The following FOXJ3 variants were observed in gnomAD, a reference collection of about 807,000 sequenced individuals.
The protein encoded by FOXJ3 is forkhead box J3.
Under a neutral mutation model 76.1 loss-of-function variants are expected in FOXJ3, and 22 were observed. That is an observed-to-expected ratio of 0.29 (90% CI 0.21 to 0.41). The LOEUF (loss-of-function observed/expected upper bound fraction) is 0.41. FOXJ3 is among the 10% of genes least tolerant of loss of function. The pLI, the probability that FOXJ3 is intolerant of heterozygous loss-of-function variation, is 1.00. For synonymous variants in FOXJ3, 269 were observed against 261.2 expected (o/e 1.03, Z -0.29); for missense variants, 613 against 762.1 (o/e 0.80, Z 2.30).
chr1:42,181,879 AC>A, intron 12 of FOXJ3, 37 bp downstream of exon 12: 2 of 1,356,240 alleles, frequency 1.5e-6, no homozygotes, highest in Non-Finnish European at 2.1e-6. Context: ...ACACACACAC[AC>A]ACACACACAC....
chr1:42,231,900 A>T (rs555659017), intron 4 of FOXJ3, among the ~76,000 whole-genome samples: 1 of 151,960 alleles, frequency 6.6e-6, no homozygotes, highest in Non-Finnish European at 1.5e-5. Context: ...TGCACCCATT[A>T]ACTCGTCATT....
intron 5 of FOXJ3, 57 bp from the exon 6 acceptor site, chr1:42,205,920 A>C (rs1453454263): frequency 9.8e-7 from 1 of 1,022,336 alleles, no homozygotes; most frequent in Non-Finnish European, 1.5e-6. Flanking sequence ...CAACTTTAAC[A>C]CAGTTTGAAG....
At chr1:42,229,611 G>A (rs12070329) in intron 4 of FOXJ3, among the ~76,000 whole-genome samples, 3,565 of 152,078 alleles carry the variant, frequency 0.023, 144 homozygotes, top group African/African-American at 0.082. Context: ...TTTTCAAAAC[G>A]GTCACTACAT....
At chr1:42,196,313 T>C (rs1367072588) in intron 7 of FOXJ3, among the ~76,000 whole-genome samples, 1 of 152,150 alleles carries the variant, frequency 6.6e-6, no homozygotes, top group African/African-American at 2.4e-5. Flanking sequence ...AGGATCAAAC[T>C]ATATAGATGT....
At chr1:42,199,800 T>C (rs1164195190) in intron 6 of FOXJ3, among the ~76,000 whole-genome samples, 1 of 151,820 alleles carries the variant, frequency 6.6e-6, no homozygotes, top group African/African-American at 2.4e-5. Flanking sequence ...TGTTAATGGT[T>C]ATCTAGAAGG....
At chr1:42,184,797 C>T (rs186898139) in intron 11 of FOXJ3, among the ~76,000 whole-genome samples, 14 of 151,896 alleles carry the variant, frequency 9.2e-5, no homozygotes, top group South Asian at 2.1e-4. Flanking sequence ...GGAAAAACAA[C>T]GGAACAAGAT....
chr1:42,196,642 G>A (rs1189740185), intron 7 of FOXJ3, among the ~76,000 whole-genome samples: 1 of 152,156 alleles, frequency 6.6e-6, no homozygotes, highest in Non-Finnish European at 1.5e-5. Flanking sequence ...GCCATAAGCT[G>A]AGAACACACC....
At chr1:42,323,593 C>T (rs575693726) in intron 1 of FOXJ3, 125 of 462,952 alleles carry the variant, frequency 2.7e-4, no homozygotes, top group Non-Finnish European at 3.4e-4. Context: ...TTGTCATCAT[C>T]ATAAGCAAAA....
rs1325598730 is a variant in FOXJ3 at position 42,178,453 on chromosome 1, GTCTC to G, written c.*1253_*1256del. ...GAGTGATGATAGAGAATGACACAAT[GTCTC>G]TCTGAGTGTCTTATCTGTAAATTCT... On this transcript the variant is annotated 3_prime_UTR_variant, in exon 13 of 13. Transcript: ENST00000361346. 4.6e-5 allele frequency: 7 copies of G among 152,214 alleles called. No individual in the cohort carries two copies. Among genetic ancestry groups the G allele is most frequent in the East Asian group, 1.9e-4 (1 of 5,202 alleles). The allele number at this position is 152,214 out of a possible 1,614,324, so 9.4% of individuals were successfully genotyped here. A position where few individuals can be genotyped will look rare whatever the true frequency, so the allele number is the denominator to read the frequency against.
intron 1 of FOXJ3, among the ~76,000 whole-genome samples, chr1:42,319,821 TA>T (rs1211468030): frequency 6.6e-6 from 1 of 152,122 alleles, no homozygotes; most frequent in Non-Finnish European, 1.5e-5. Context: ...TGAGTAAAAG[TA>T]ACTATCTCAC....
chr1:42,194,324 T>C (rs1569813410), intron 8 of FOXJ3, among the ~76,000 whole-genome samples: 1 of 152,204 alleles, frequency 6.6e-6, no homozygotes, highest in Non-Finnish European at 1.5e-5. Context: ...AATCTACCAT[T>C]TGGTCAAGAT....
At chr1:42,285,194 G>A (rs914090657) in intron 2 of FOXJ3, among the ~76,000 whole-genome samples, 2 of 152,068 alleles carry the variant, frequency 1.3e-5, no homozygotes, top group African/African-American at 4.8e-5. Flanking sequence ...ATGGTGGTTT[G>A]CTGCACAGAT....
chr1:42,193,314 G>A (rs1052159548), intron 8 of FOXJ3, among the ~76,000 whole-genome samples: 2 of 151,336 alleles, frequency 1.3e-5, no homozygotes, highest in African/African-American at 4.9e-5. Context: ...TACAAATGGG[G>A]ATACTGAGGT....
intron 2 of FOXJ3, among the ~76,000 whole-genome samples, chr1:42,300,507 G>A (rs1654071101): frequency 6.6e-6 from 1 of 152,078 alleles, no homozygotes; most frequent in African/African-American, 2.4e-5. Flanking sequence ...TGTGCACGGT[G>A]GCTCACACCT....
chr1:42,195,511 G>A (rs1646634262), intron 7 of FOXJ3, among the ~76,000 whole-genome samples: 1 of 152,174 alleles, frequency 6.6e-6, no homozygotes, highest in Non-Finnish European at 1.5e-5. Context: ...TGATTACTAT[G>A]AGTCAGATGT....
chr1:42,309,001 C>CAAAAAAA (rs59583552), intron 2 of FOXJ3, among the ~76,000 whole-genome samples: 5,866 of 103,624 alleles, frequency 0.057, 487 homozygotes, highest in African/African-American at 0.087. Flanking sequence ...AGTCGTTTTA[C>CAAAAAAA]AAAAAAAAAA....
chr1:42,203,489 C>T (rs947143014), intron 6 of FOXJ3, among the ~76,000 whole-genome samples: 2 of 152,112 alleles, frequency 1.3e-5, no homozygotes, highest in Non-Finnish European at 2.9e-5. Context: ...TTGGTTTGCT[C>T]TTACTCTCAG....
chr1:42,273,008 C>A (rs1651974154), intron 3 of FOXJ3, among the ~76,000 whole-genome samples: 1 of 152,160 alleles, frequency 6.6e-6, no homozygotes, highest in Non-Finnish European at 1.5e-5. Context: ...AATGATTCCC[C>A]ACTTCCTTGT....
chr1:42,226,222 T>TAA (rs35054730), intron 5 of FOXJ3, among the ~76,000 whole-genome samples: 1 of 141,806 alleles, frequency 7.1e-6, no homozygotes, highest in Non-Finnish European at 1.6e-5. Flanking sequence ...GAGGAGTGCT[T>TAA]AAAAAAAAAA....
Sources: gnomAD v4.1 joint callset for allele counts (sites outside exome capture counted in the v4.1 genomes callset) on GRCh38, gnomAD v4.1.1 for gene constraint, MANE v1.5 for transcripts, NCBI Gene and HGNC (gene_info 2026-07-23, HGNC 2026-07-21) for gene names.